GRID2: variants seen among roughly 807,000 people sequenced by gnomAD.
The protein encoded by GRID2 is glutamate receptor ionotropic, delta-2.
Under a neutral mutation model 114.8 loss-of-function variants are expected in GRID2, and 33 were observed. The observed-to-expected ratio is 0.29, with a 90% CI of 0.22 to 0.38. The LOEUF (loss-of-function observed/expected upper bound fraction) is 0.38. Among genes scored for constraint, GRID2 ranks in the 10% least tolerant of loss-of-function variants. The pLI, the probability that GRID2 is intolerant of heterozygous loss-of-function variation, is 1.00. For missense variants in GRID2, 1,184 were observed against 1,257.7 expected (o/e 0.94, Z 0.89); for synonymous variants, 505 against 449.9 (o/e 1.12, Z -1.55).
chr4:93,697,980 A>G (rs114580660), intron 14 of GRID2, among the ~76,000 whole-genome samples: 6,229 of 149,942 alleles, frequency 0.042, 196 homozygotes, highest in African/African-American at 0.081. Flanking sequence ...AAATTACTGG[A>G]TTCTGCTTAT....
At chr4:93,809,843 A>C (rs187877049) in exon 2 of GRID2, 146 of 152,326 alleles carry the variant, frequency 9.6e-4, no homozygotes, top group African/African-American at 3.4e-3. Context: ...AATTAAAAAC[A>C]GTGTCTTATA....
chr4:93,225,048 A>C (rs1210364295), intron 7 of GRID2, among the ~76,000 whole-genome samples: 1 of 152,146 alleles, frequency 6.6e-6, no homozygotes, highest in African/African-American at 2.4e-5. Flanking sequence ...AGAGATACTG[A>C]AATTGTTTTG....
rs150563372 is a variant in GRID2, at chr4:93,657,638, GA to G, written c.2360+31213del. 2.0e-4 allele frequency among the ~76,000 whole-genome samples: 30 copies of G among 146,416 alleles called. No individual in the cohort carries two copies. In the East Asian group the frequency reaches 4.0e-3, roughly 19 times the overall value. On this transcript the variant is annotated intron_variant, in intron 14 of 15. Transcript: ENST00000282020. ...AAAGGCTCAAGCGTAGATGTAGGAGGAAAAAAAAAACAAAAAACTGATCCCT... is the reference window on the plus strand; with the variant it reads ...AAAGGCTCAAGCGTAGATGTAGGAGGAAAAAAAAACAAAAAACTGATCCCT...
Position 93,422,823 on chromosome 4 carries a change from A to T in GRID2, c.1400A>T (p.Tyr467Phe), listed in dbSNP as rs935457549. 1 of 1,613,692 alleles carries T rather than the reference A, an allele frequency of 6.2e-7. No homozygotes were observed. The highest frequency in any genetic ancestry group is 1.1e-5 in the South Asian group (1 of 91,078). ...AATGTCTTGGGTAAGCCGAAGAAATACCAGGGCTTCTCCATTGATGTTTTG... is the reference window on the plus strand; with the variant it reads ...AATGTCTTGGGTAAGCCGAAGAAATTCCAGGGCTTCTCCATTGATGTTTTG... ...SENVLGKPKK[Y>F]QGFSIDVLDA... The change falls in exon 10 of 16, where the codon TAC (tyrosine) becomes TTC (phenylalanine). Residue 467 changes from tyrosine to phenylalanine, a missense_variant. Around this residue, in one of 3 missense-constraint regions of GRID2, gnomAD observed 717 missense variants for 796.9 expected, o/e 0.90. Transcript: ENST00000282020.
At chr4:92,564,897 A>C (rs567312442) in intron 1 of GRID2, among the ~76,000 whole-genome samples, 84 of 152,010 alleles carry the variant, frequency 5.5e-4, no homozygotes, top group African/African-American at 1.9e-3. Context: ...TCGTCAGTGT[A>C]GTTTGTAGGT....
At chr4:92,455,687 G>A (rs1320422966) in intron 1 of GRID2, among the ~76,000 whole-genome samples, 1 of 152,148 alleles carries the variant, frequency 6.6e-6, no homozygotes, top group African/African-American at 2.4e-5. Context: ...AAGCAGTACC[G>A]GAGTGGTGGG....
chr4:93,503,654 C>T (rs1404458219), intron 12 of GRID2, among the ~76,000 whole-genome samples: 1 of 152,000 alleles, frequency 6.6e-6, no homozygotes, highest in Non-Finnish European at 1.5e-5. Context: ...AGGACATGAA[C>T]TCAAACCACT....
chr4:93,511,377 C>T (rs944155201), intron 12 of GRID2, among the ~76,000 whole-genome samples: 1 of 152,138 alleles, frequency 6.6e-6, no homozygotes, highest in Non-Finnish European at 1.5e-5. Flanking sequence ...ATGTACTGTT[C>T]ATACAAATAA....
At chr4:93,100,982 C>T (rs182379191) in intron 3 of GRID2, among the ~76,000 whole-genome samples, 26 of 152,096 alleles carry the variant, frequency 1.7e-4, no homozygotes, top group South Asian at 1.0e-3. Flanking sequence ...ATCTGTAATA[C>T]AGTCTGTGGT....
intron 13 of GRID2, among the ~76,000 whole-genome samples, chr4:93,612,197 A>C (rs1367559869): frequency 6.7e-6 from 1 of 150,132 alleles, no homozygotes; most frequent in African/African-American, 2.4e-5. Context: ...TTTTGAGCCT[A>C]TGTGTGTCTC....
chr4:92,783,094 T>A (rs1739162095), intron 2 of GRID2, among the ~76,000 whole-genome samples: 2 of 152,090 alleles, frequency 1.3e-5, no homozygotes, highest in African/African-American at 4.8e-5. Flanking sequence ...TATATCATGA[T>A]TTTATGTATA....
At chr4:93,332,144 C>T (rs1026375231) in intron 8 of GRID2, among the ~76,000 whole-genome samples, 2 of 152,054 alleles carry the variant, frequency 1.3e-5, no homozygotes, top group East Asian at 3.8e-4. Context: ...AAGTACAACT[C>T]AAGTGGAATC....
intron 1 of GRID2, among the ~76,000 whole-genome samples, chr4:92,389,089 C>T (rs1314381411): frequency 1.3e-5 from 2 of 151,974 alleles, no homozygotes; most frequent in Non-Finnish European, 2.9e-5. Flanking sequence ...TAGTTAATAA[C>T]ATAATGTTGA....
At position 93,506,610 on chromosome 4, in the gene GRID2, C is replaced by T. The variant is rs142775621; in HGVS notation, c.1998-8606C>T. 1.0e-3 allele frequency among the ~76,000 whole-genome samples: 159 copies of T among 152,162 alleles called. No individual in the cohort carries two copies. The South Asian group carries it at 0.015, about 14-fold the overall frequency. On this transcript the variant is annotated intron_variant, in intron 12 of 15. Transcript: ENST00000282020. ...GAGTGGGGAAAGGGACAGAATGGAG[C>T]GACTAGAAAAGGCTGCATCATTTAG...
At chr4:93,108,301 T>A (rs75679397) in intron 3 of GRID2, among the ~76,000 whole-genome samples, 1 of 152,244 alleles carries the variant, frequency 6.6e-6, no homozygotes, top group Non-Finnish European at 1.5e-5. Context: ...GTTTTAATGT[T>A]TGAATGGGTA....
At chr4:92,628,509 C>T (rs183587389) in intron 2 of GRID2, among the ~76,000 whole-genome samples, 2 of 152,182 alleles carry the variant, frequency 1.3e-5, no homozygotes, top group Admixed American at 1.3e-4. Flanking sequence ...CAGGCACAGC[C>T]ACCACACCCA....
chr4:93,604,986 G>C (rs1007557300), intron 13 of GRID2, among the ~76,000 whole-genome samples: 4 of 152,168 alleles, frequency 2.6e-5, no homozygotes, highest in Non-Finnish European at 5.9e-5. Context: ...GCTGTGGTCT[G>C]GAACTGAACC....
chr4:92,834,380 C>T (rs1046650027), intron 2 of GRID2, among the ~76,000 whole-genome samples: 5 of 152,006 alleles, frequency 3.3e-5, no homozygotes, highest in African/African-American at 1.2e-4. Flanking sequence ...GCTTTTTATT[C>T]ATTTAAGCCT....
intron 1 of GRID2, among the ~76,000 whole-genome samples, chr4:92,411,930 C>G (rs1167192438): frequency 6.6e-6 from 1 of 151,848 alleles, no homozygotes; most frequent in East Asian, 1.9e-4. Context: ...TGGTCTCTAT[C>G]TCTTGACCTT....
Sources: gnomAD v4.1 joint callset for allele counts (sites outside exome capture counted in the v4.1 genomes callset) on GRCh38, gnomAD v4.1.1 for gene constraint, gnomAD v4.1.1 regional missense constraint, MANE v1.5 for transcripts, NCBI Gene and HGNC (gene_info 2026-07-23, HGNC 2026-07-21) for gene names.